The following ZSWIM6 variants were observed in gnomAD, a reference collection of about 807,000 sequenced individuals.
ZSWIM6 encodes zinc finger SWIM domain-containing protein 6.
In ZSWIM6, 9 loss-of-function variants were observed where a neutral mutation model predicts 113.2. The observed-to-expected ratio is 0.08, with a 90% CI of 0.05 to 0.14. The LOEUF (loss-of-function observed/expected upper bound fraction) is 0.14. Among genes scored for constraint, ZSWIM6 ranks in the 10% least tolerant of loss-of-function variants. The pLI, the probability that ZSWIM6 is intolerant of heterozygous loss-of-function variation, is 1.00. For synonymous variants in ZSWIM6, 611 were observed against 606.5 expected (o/e 1.01, Z -0.11); for missense variants, 1,162 against 1,552.2 (o/e 0.75, Z 4.22).
At chr5:61,354,439 C>A (rs940757588) in intron 1 of ZSWIM6, among the ~76,000 whole-genome samples, 1 of 152,140 alleles carries the variant, frequency 6.6e-6, no homozygotes, top group Non-Finnish European at 1.5e-5. Context: ...TGAATAATTA[C>A]TCTCTGGAGT....
intron 1 of ZSWIM6, among the ~76,000 whole-genome samples, chr5:61,388,370 A>G (rs186923385): frequency 1.4e-4 from 21 of 152,320 alleles, no homozygotes; most frequent in African/African-American, 5.1e-4. Flanking sequence ...GAAACACTAC[A>G]AGTGTATTTA....
intron 1 of ZSWIM6, among the ~76,000 whole-genome samples, chr5:61,370,501 T>C (rs867364616): frequency 2.1e-4 from 32 of 152,274 alleles, no homozygotes; most frequent in African/African-American, 6.0e-4. Flanking sequence ...ATACAAGTTA[T>C]GTGTAAACAT....
At position 61,450,680 on chromosome 5, in the gene ZSWIM6, T is replaced by C. The variant is rs1747067329; in HGVS notation, c.677-22001T>C. Reference sequence around the variant, plus strand: ...ATCTACATAATCAAGATTAGTATTATTGTTACTAAATACAGGACTCCAAAT... The same window carrying C: ...ATCTACATAATCAAGATTAGTATTACTGTTACTAAATACAGGACTCCAAAT... On this transcript the variant is annotated intron_variant, in intron 1 of 13. Transcript: ENST00000252744. Among the ~76,000 whole-genome samples, 3 of 152,274 alleles carry C rather than the reference T, an allele frequency of 2.0e-5. No homozygotes were observed. In the South Asian group the frequency reaches 6.2e-4, roughly 32 times the overall value.
At chr5:61,475,370 A>G (rs1016299983) in intron 2 of ZSWIM6, among the ~76,000 whole-genome samples, 2 of 152,170 alleles carry the variant, frequency 1.3e-5, no homozygotes, top group Non-Finnish European at 2.9e-5. Context: ...AGATTTTTCA[A>G]TCTATTTTGA....
At chr5:61,464,176 T>A in intron 1 of ZSWIM6, among the ~76,000 whole-genome samples, 1 of 129,920 alleles carries the variant, frequency 7.7e-6, no homozygotes, top group Admixed American at 7.7e-5. Context: ...TTTTTTTTTT[T>A]TTTTTTTTTT....
intron 1 of ZSWIM6, among the ~76,000 whole-genome samples, chr5:61,362,961 T>G (rs1745062275): frequency 1.3e-5 from 2 of 152,238 alleles, no homozygotes; most frequent in South Asian, 4.1e-4. Context: ...TTGCTGATGT[T>G]CTCAATAATA....
Position 61,472,597 on chromosome 5 carries a change from T to G in ZSWIM6, c.677-84T>G. The G allele has an allele frequency of 8.9e-7, 1 of 1,120,220 alleles. No homozygotes were observed. Among genetic ancestry groups the G allele is most frequent in the Non-Finnish European group, 1.2e-6 (1 of 814,856 alleles). 69.4% of individuals were successfully genotyped at this position (1,120,220 alleles called of 1,614,324 possible). ...ATATTTTTTTCTTGCTGCTGTCAAG[T>G]CCCACACATTTCAAAGAATTAGAGC... is the stretch of plus-strand genomic sequence containing the variant. On this transcript the variant is annotated intron_variant, in intron 1 of 13. Transcript: ENST00000252744. This position sits in a 1 kb window ranked among gnomAD's most constrained non-coding sequence, Gnocchi z 4.1.
intron 1 of ZSWIM6, among the ~76,000 whole-genome samples, chr5:61,400,403 T>C (rs1325233490): frequency 6.6e-6 from 1 of 152,202 alleles, no homozygotes; most frequent in Non-Finnish European, 1.5e-5. Flanking sequence ...AAAAATGTGA[T>C]TCTCAGAAAA....
intron 1 of ZSWIM6, among the ~76,000 whole-genome samples, chr5:61,427,487 T>G (rs574329993): frequency 6.6e-6 from 1 of 152,248 alleles, no homozygotes; most frequent in Non-Finnish European, 1.5e-5. Context: ...CCAGATATTT[T>G]TTTTCTTTTT....
intron 1 of ZSWIM6, among the ~76,000 whole-genome samples, chr5:61,380,007 A>G (rs917968806): frequency 6.6e-6 from 1 of 152,156 alleles, no homozygotes; most frequent in Non-Finnish European, 1.5e-5. Flanking sequence ...AGTTTTGCCT[A>G]TTCTTTATGA....
chr5:61,335,437 GT>G (rs1289271004), intron 1 of ZSWIM6, among the ~76,000 whole-genome samples: 1 of 152,222 alleles, frequency 6.6e-6, no homozygotes, highest in Non-Finnish European at 1.5e-5. Context: ...TATGATCAGG[GT>G]TCCCCCCACC....
chr5:61,404,737 C>T (rs1268442596), intron 1 of ZSWIM6, among the ~76,000 whole-genome samples: 1 of 152,196 alleles, frequency 6.6e-6, no homozygotes, highest in Non-Finnish European at 1.5e-5. Flanking sequence ...GCCCCATATT[C>T]TCATTTTCCA....
At chr5:61,334,432 A>G (rs993950871) in intron 1 of ZSWIM6, among the ~76,000 whole-genome samples, 1 of 152,180 alleles carries the variant, frequency 6.6e-6, no homozygotes, top group Non-Finnish European at 1.5e-5. Context: ...ATAGATTTGG[A>G]CGCATCTCTA....
chr5:61,543,816 G>C lies in ZSWIM6; in HGVS notation c.3147G>C (p.Leu1049=), dbSNP rs1162906469. The C allele has an allele frequency of 1.3e-6, 2 of 1,551,896 alleles. No homozygotes were observed. The highest frequency in any genetic ancestry group is 8.7e-7 in the Non-Finnish European group (1 of 1,147,032). Reference sequence around the variant, plus strand: ...GGTACCCCATGAGGGCCTACAAGCTGGCCACCCTGGCCATGACCCATCTCA... The same window carrying C: ...GGTACCCCATGAGGGCCTACAAGCTCGCCACCCTGGCCATGACCCATCTCA... ...HRGYPMRAYK[L]ATLAMTHLNL... is the part of the protein sequence containing the mutation. The change falls in exon 14 of 14, where the codon CTG becomes CTC. Residue 1049 remains leucine (L), a synonymous_variant. Coordinates refer to ENST00000252744, the MANE Select transcript of ZSWIM6 (RefSeq NM_020928.2). The surrounding 1 kb of genome is among the most constrained non-coding windows in gnomAD (Gnocchi z 4.3).
At chr5:61,389,229 C>T (rs994216476) in intron 1 of ZSWIM6, among the ~76,000 whole-genome samples, 6 of 152,076 alleles carry the variant, frequency 3.9e-5, no homozygotes, top group Non-Finnish European at 5.9e-5. Flanking sequence ...TCCTGAAGTA[C>T]AAATATACTG....
chr5:61,380,416 TA>T (rs1411864434), intron 1 of ZSWIM6, among the ~76,000 whole-genome samples: 1 of 152,220 alleles, frequency 6.6e-6, no homozygotes, highest in East Asian at 1.9e-4. Flanking sequence ...TAAGTTTTCC[TA>T]ACAATTAACA....
intron 4 of ZSWIM6, among the ~76,000 whole-genome samples, chr5:61,503,894 T>C (rs1407003266): frequency 6.6e-6 from 1 of 152,190 alleles, no homozygotes; most frequent in Non-Finnish European, 1.5e-5. Flanking sequence ...ACCCATCCTT[T>C]CTTAATCTTC....
chr5:61,456,227 T>G (rs1185812099), intron 1 of ZSWIM6, among the ~76,000 whole-genome samples: 1 of 152,160 alleles, frequency 6.6e-6, no homozygotes. Context: ...ATAGTTTTCA[T>G]ATATTTATTT....
chr5:61,458,918 G>C (rs999706280), intron 1 of ZSWIM6, among the ~76,000 whole-genome samples: 19 of 150,216 alleles, frequency 1.3e-4, no homozygotes, highest in African/African-American at 4.6e-4. Flanking sequence ...CCAAAGACTC[G>C]AGGTAAACAG....
Sources: allele counts gnomAD v4.1 joint callset (sites outside exome capture counted in the v4.1 genomes callset), GRCh38; gene constraint gnomAD v4.1.1; non-coding constraint Gnocchi (gnomAD v3.1); transcripts MANE v1.5; gene names NCBI Gene and HGNC (gene_info 2026-07-23, HGNC 2026-07-21).